Variants in LSAMP observed in about 807,000 individuals in gnomAD.
LSAMP encodes limbic system associated membrane protein.
Under a neutral mutation model 38.6 loss-of-function variants are expected in LSAMP, and 7 were observed. The ratio of observed to expected loss-of-function variants is 0.18; its 90% CI spans 0.10 to 0.34. LSAMP has a LOEUF of 0.34. Ranked by LOEUF, LSAMP falls within the 10% of genes least tolerant of loss-of-function variation. The pLI is 1.00. For missense variants in LSAMP, 313 were observed against 420.0 expected (o/e 0.75, Z 2.23); for synonymous variants, 154 against 166.8 (o/e 0.92, Z 0.59).
At chr3:116,298,572 A>G (rs1478433190) in intron 1 of LSAMP, among the ~76,000 whole-genome samples, 1 of 152,216 alleles carries the variant, frequency 6.6e-6, no homozygotes, top group Non-Finnish European at 1.5e-5. Flanking sequence ...TCTCTTATCA[A>G]TCTATAAAGA....
At chr3:116,231,538 G>A (rs116808846) in intron 1 of LSAMP, among the ~76,000 whole-genome samples, 1 of 152,144 alleles carries the variant, frequency 6.6e-6, no homozygotes, top group Non-Finnish European at 1.5e-5. Context: ...ACTATGTCAA[G>A]GTGCTTCAGT....
intron 1 of LSAMP, among the ~76,000 whole-genome samples, chr3:116,280,619 C>G (rs1306762670): frequency 1.3e-5 from 2 of 152,164 alleles, no homozygotes; most frequent in Non-Finnish European, 2.9e-5. Flanking sequence ...TCTGAACAAA[C>G]TTTCATAGAC....
chr3:116,105,887 G>C (rs1576365590), intron 1 of LSAMP, among the ~76,000 whole-genome samples: 1 of 152,200 alleles, frequency 6.6e-6, no homozygotes, highest in East Asian at 1.9e-4. Flanking sequence ...AGAGAGAATG[G>C]GCGATGTTTC....
intron 3 of LSAMP, among the ~76,000 whole-genome samples, chr3:115,922,657 G>C (rs2107525658): frequency 6.6e-6 from 1 of 152,106 alleles, no homozygotes; most frequent in African/African-American, 2.4e-5. Flanking sequence ...CATTTGAAAA[G>C]ACAGCCATCT....
At chr3:116,368,537 T>C (rs890729040) in intron 1 of LSAMP, among the ~76,000 whole-genome samples, 32 of 152,336 alleles carry the variant, frequency 2.1e-4, no homozygotes, top group African/African-American at 7.7e-4. Flanking sequence ...TAGTAAAATA[T>C]TCACAAAGCT....
At chr3:116,094,845 A>G (rs1189025268) in intron 1 of LSAMP, among the ~76,000 whole-genome samples, 1 of 152,244 alleles carries the variant, frequency 6.6e-6, no homozygotes, top group Non-Finnish European at 1.5e-5. Flanking sequence ...CTTCTTAAGT[A>G]AAATGGGGCT....
At chr3:116,306,467 A>T (rs1456409443) in intron 1 of LSAMP, among the ~76,000 whole-genome samples, 1 of 152,020 alleles carries the variant, frequency 6.6e-6, no homozygotes, top group East Asian at 1.9e-4. Flanking sequence ...GATCATATAG[A>T]TGGCTTGTAA....
At chr3:116,268,620 CT>C (rs2046925981) in intron 1 of LSAMP, among the ~76,000 whole-genome samples, 1 of 152,036 alleles carries the variant, frequency 6.6e-6, no homozygotes, top group Non-Finnish European at 1.5e-5. Context: ...GTCTCTCCCC[CT>C]TTGGTTAGAC....
chr3:116,213,942 T>C (rs2046190985), intron 1 of LSAMP, among the ~76,000 whole-genome samples: 1 of 152,162 alleles, frequency 6.6e-6, no homozygotes, highest in African/African-American at 2.4e-5. Context: ...GGGCATAAAG[T>C]TTCAGTTGAG....
chr3:116,198,014 G>C (rs561938419), intron 1 of LSAMP, among the ~76,000 whole-genome samples: 11 of 152,290 alleles, frequency 7.2e-5, no homozygotes, highest in Non-Finnish European at 1.5e-4. Flanking sequence ...AAATGGCATG[G>C]AGATACAGAT....
intron 3 of LSAMP, among the ~76,000 whole-genome samples, chr3:115,960,305 G>A (rs1427986304): frequency 6.6e-6 from 1 of 152,210 alleles, no homozygotes; most frequent in Non-Finnish European, 1.5e-5. Context: ...AAGGGAAGAG[G>A]TGTGAAGCAG....
chr3:116,144,396 G>C (rs557848014), intron 1 of LSAMP, among the ~76,000 whole-genome samples: 1 of 151,792 alleles, frequency 6.6e-6, no homozygotes, highest in Non-Finnish European at 1.5e-5. Flanking sequence ...GGTGGTGCAT[G>C]CCAAAGGTCC....
chr3:116,390,140 C>G (rs1416370130), intron 1 of LSAMP, among the ~76,000 whole-genome samples: 1 of 133,580 alleles, frequency 7.5e-6, no homozygotes, highest in Non-Finnish European at 1.7e-5. Flanking sequence ...TATACACACA[C>G]ACACACACAC....
chr3:115,940,455 T>TG (rs1262290328), intron 3 of LSAMP, among the ~76,000 whole-genome samples: 1 of 150,270 alleles, frequency 6.7e-6, no homozygotes, highest in Non-Finnish European at 1.5e-5. Context: ...CGCTGATTGG[T>TG]GCGTTTACAA....
At chr3:116,439,588 C>G (rs1265009777) in intron 1 of LSAMP, among the ~76,000 whole-genome samples, 1 of 152,164 alleles carries the variant, frequency 6.6e-6, no homozygotes, top group African/African-American at 2.4e-5. Context: ...AAATAACTGG[C>G]TGTATGTGGT....
At chr3:116,338,090 G>C (rs370510991) in intron 1 of LSAMP, among the ~76,000 whole-genome samples, 1 of 151,938 alleles carries the variant, frequency 6.6e-6, no homozygotes, top group African/African-American at 2.4e-5. Flanking sequence ...ATTTTTGCTT[G>C]TTTTACCTAC....
intron 1 of LSAMP, among the ~76,000 whole-genome samples, chr3:116,373,403 G>A (rs1309008221): frequency 6.6e-6 from 1 of 151,570 alleles, no homozygotes; most frequent in African/African-American, 2.4e-5. Flanking sequence ...AAAGTAGGAT[G>A]GTGGCTTCTA....
Position 116,274,766 on chromosome 3 carries a change from A to C in LSAMP, c.155+170111T>G, listed in dbSNP as rs563573018. 4.6e-5 allele frequency among the ~76,000 whole-genome samples: 7 copies of C among 151,972 alleles called. No homozygotes were observed. The South Asian group carries it at 1.5e-3, about 32-fold the overall frequency. On this transcript the variant is annotated intron_variant, in intron 1 of 6. Coordinates refer to ENST00000490035, the MANE Select transcript of LSAMP (RefSeq NM_002338.5). ...TCCAATCAAGGGCAATCTAGGCAAA[A>C]GGTTTTGTGCCTAAATGCAGTAAAA...
At chr3:116,402,699 T>C (rs1020572590) in intron 1 of LSAMP, among the ~76,000 whole-genome samples, 3 of 151,924 alleles carry the variant, frequency 2.0e-5, no homozygotes, top group African/African-American at 7.3e-5. Flanking sequence ...ACTGGGCTGA[T>C]TTATTCAGAG....
Sources: gnomAD v4.1 joint callset for allele counts (sites outside exome capture counted in the v4.1 genomes callset) on GRCh38, gnomAD v4.1.1 for gene constraint, MANE v1.5 for transcripts, NCBI Gene and HGNC (gene_info 2026-07-23, HGNC 2026-07-21) for gene names.